The following ARMC9 variants were observed in gnomAD, a reference collection of about 807,000 sequenced individuals.
The protein encoded by ARMC9 is lisH domain-containing protein ARMC9.
A neutral mutation model predicts 107.0 loss-of-function variants in ARMC9; 94 were observed. The ratio of observed to expected loss-of-function variants is 0.88; its 90% CI spans 0.74 to 1.04. The LOEUF (loss-of-function observed/expected upper bound fraction) is 1.04. Among genes scored for constraint, ARMC9 ranks in the 50% least tolerant of loss-of-function variants. ARMC9 has a pLI of 0.00. For missense variants in ARMC9, 942 were observed against 1,030.1 expected, an observed-to-expected ratio of 0.91 and a Z score of 1.17; for synonymous variants, 380 against 396.9, an observed-to-expected ratio of 0.96 and a Z score of 0.51.
Position 231,360,566 on chromosome 2 carries a change from C to T in ARMC9, c.2132-188C>T, listed in dbSNP as rs1460372913. Among the ~76,000 whole-genome samples, 2 of 152,166 alleles carry T rather than the reference C, an allele frequency of 1.3e-5. No homozygotes were observed. Among genetic ancestry groups the T allele is most frequent in the African/African-American group, 4.8e-5 (2 of 41,440 alleles). On this transcript the variant is annotated intron_variant, in intron 22 of 24. Transcript: ENST00000611582. The surrounding 1 kb of genome is among the most constrained non-coding windows in gnomAD (Gnocchi z 4.7). ...TCACCACCAGCAGTGTGCCTGCCAT[C>T]CCCCGCTACCTGGCAAGTTCCCGGG...
At position 231,234,604 on chromosome 2, in the gene ARMC9, C is replaced by CT. The variant is rs554747017; in HGVS notation, c.623-611dup. Among the ~76,000 whole-genome samples the CT allele has an allele frequency of 4.3e-3, 656 of 151,476 alleles. 6 individuals carry two copies. The highest frequency in any genetic ancestry group is 0.012 in the African/African-American group (501 of 41,342). ...TGAGCTCAGTATAGAATAAAACATT[C>CT]TTTTTTTTTGAGACAGAGTCTCACT... On this transcript the variant is annotated intron_variant, in intron 7 of 24. Transcript: ENST00000611582.
rs16842345 is a variant in ARMC9 at position 231,256,312 on chromosome 2, C to G, written c.880-274C>G. The G allele has an allele frequency of 4.8e-3, 7,452 of 1,551,362 alleles. 365 individuals carry two copies. The African/African-American group carries it at 0.093, about 19-fold the overall frequency. On this transcript the variant is annotated intron_variant, in intron 9 of 24. Transcript: ENST00000611582. ...AAGCCCGGAGGTTGCGCTGAGCTTGCTTGCTCGCTGGGTCTTGGATGTCGG... is the reference window on the plus strand; with the variant it reads ...AAGCCCGGAGGTTGCGCTGAGCTTGGTTGCTCGCTGGGTCTTGGATGTCGG...
At chr2:231,200,958 G>T (rs138978852) in intron 1 of ARMC9, among the ~76,000 whole-genome samples, 14 of 152,324 alleles carry the variant, frequency 9.2e-5, no homozygotes, top group Non-Finnish European at 1.3e-4. Flanking sequence ...TGCCTGGGGG[G>T]GCAGAGCATA....
chr2:231,296,365 T>G (rs1257700441), intron 19 of ARMC9, 112 bp downstream of exon 19: 10 of 949,322 alleles, frequency 1.1e-5, no homozygotes, highest in Non-Finnish European at 1.6e-5. Flanking sequence ...GCTACACTAT[T>G]TCTCACAATT....
intron 3 of ARMC9, among the ~76,000 whole-genome samples, chr2:231,213,164 C>A (rs989233296): frequency 1.5e-5 from 2 of 137,668 alleles, no homozygotes; most frequent in African/African-American, 5.4e-5. Flanking sequence ...AACGTTTTTT[C>A]TTTTTTTTTT....
At chr2:231,263,586 T>C (rs2038586337) in intron 12 of ARMC9, among the ~76,000 whole-genome samples, 1 of 152,238 alleles carries the variant, frequency 6.6e-6, no homozygotes, top group Non-Finnish European at 1.5e-5. Flanking sequence ...GGCAATTAAA[T>C]GTCGATATGA....
intron 9 of ARMC9, among the ~76,000 whole-genome samples, chr2:231,248,301 C>T (rs1007801015): frequency 2.6e-5 from 4 of 152,190 alleles, no homozygotes; most frequent in African/African-American, 9.7e-5. Context: ...CATTTCCTAA[C>T]TGGTCTTAAA....
At chr2:231,237,172 A>ACGCGTG (rs2035786977) in intron 8 of ARMC9, among the ~76,000 whole-genome samples, 1 of 87,850 alleles carries the variant, frequency 1.1e-5, no homozygotes, top group African/African-American at 5.5e-5. Context: ...TTCTCTGCGT[A>ACGCGTG]TGCGTGTGTG....
At chr2:231,290,988 G>A (rs1179607688) in intron 17 of ARMC9, among the ~76,000 whole-genome samples, 4 of 146,504 alleles carry the variant, frequency 2.7e-5, no homozygotes, top group African/African-American at 1.0e-4. Flanking sequence ...TTATAATTCA[G>A]CCAGAGAGTC....
At chr2:231,224,061 A>G (rs1168122182) in intron 6 of ARMC9, among the ~76,000 whole-genome samples, 1 of 152,182 alleles carries the variant, frequency 6.6e-6, no homozygotes, top group Non-Finnish European at 1.5e-5. Flanking sequence ...AGCTCAGCTT[A>G]ATAATTATGG....
intron 21 of ARMC9, among the ~76,000 whole-genome samples, chr2:231,355,415 T>C (rs1319910763): frequency 6.6e-6 from 1 of 152,212 alleles, no homozygotes; most frequent in East Asian, 1.9e-4. Flanking sequence ...ATGTTATGTC[T>C]TCTCTGGTTG....
intron 19 of ARMC9, among the ~76,000 whole-genome samples, chr2:231,325,220 C>A (rs999678406): frequency 6.6e-6 from 1 of 151,972 alleles, no homozygotes; most frequent in African/African-American, 2.4e-5. Flanking sequence ...AGCAAGAGAC[C>A]CTGTCTCAGA....
chr2:231,247,493 C>T (rs2036880679), intron 9 of ARMC9, among the ~76,000 whole-genome samples: 1 of 152,230 alleles, frequency 6.6e-6, no homozygotes, highest in African/African-American at 2.4e-5. Flanking sequence ...GCTTTCCCCA[C>T]ATTGCTGCCA....
intron 3 of ARMC9, among the ~76,000 whole-genome samples, chr2:231,213,112 G>A (rs1309013296): frequency 2.0e-5 from 3 of 150,766 alleles, no homozygotes; most frequent in Non-Finnish European, 4.4e-5. Context: ...GATAAAACAA[G>A]TAATTTTTAA....
intron 19 of ARMC9, among the ~76,000 whole-genome samples, chr2:231,325,387 G>A (rs2043258027): frequency 6.6e-6 from 1 of 152,184 alleles, no homozygotes; most frequent in South Asian, 2.1e-4. Context: ...TGCTGGCATT[G>A]ACTGAAGTTA....
rs181068408 is a variant in ARMC9, at chr2:231,239,471, T to A, written c.781-472T>A. On this transcript the variant is annotated intron_variant, in intron 8 of 24. Transcript: ENST00000611582. ...TGTGCTAGGCATATCTGTGACCTCA[T>A]TTACCTGCTCACTGTGGCTGTTACA... Among the ~76,000 whole-genome samples the A allele has an allele frequency of 4.1e-3, 618 of 152,324 alleles. 8 individuals are homozygous for A. The highest frequency in any genetic ancestry group is 0.013 in the African/African-American group (555 of 41,564).
chr2:231,234,798 A>G (rs11891540), intron 7 of ARMC9, among the ~76,000 whole-genome samples: 25,313 of 151,936 alleles, frequency 0.17, 4,696 homozygotes, highest in African/African-American at 0.46. Flanking sequence ...TAGAGATGGG[A>G]TTTTACCATG....
intron 19 of ARMC9, among the ~76,000 whole-genome samples, chr2:231,324,961 T>C (rs1277353122): frequency 6.6e-6 from 1 of 151,766 alleles, no homozygotes; most frequent in Non-Finnish European, 1.5e-5. Context: ...CAGTGGCTCA[T>C]GCCTGTAATC....
At chr2:231,218,900 C>T (rs1271911789) in intron 5 of ARMC9, among the ~76,000 whole-genome samples, 7 of 152,024 alleles carry the variant, frequency 4.6e-5, no homozygotes, top group Admixed American at 4.6e-4. Flanking sequence ...TATAGGCACA[C>T]GCCACCATGT....
Sources: gnomAD v4.1 joint callset for allele counts (sites outside exome capture counted in the v4.1 genomes callset) on GRCh38, gnomAD v4.1.1 for gene constraint, Gnocchi (gnomAD v3.1) non-coding constraint, MANE v1.5 for transcripts, NCBI Gene and HGNC (gene_info 2026-07-23, HGNC 2026-07-21) for gene names.